The following XAGE1B variants were observed in gnomAD, a reference collection of about 807,000 sequenced individuals.
XAGE1B encodes the protein X antigen family member 1B.
At position 52,512,130 on chromosome X, in the gene XAGE1B, TA is replaced by T; in HGVS notation, c.*34del. The T allele has an allele frequency of 1.2e-6, 1 of 850,827 alleles. No individual in the cohort carries two copies. Among genetic ancestry groups the T allele is most frequent in the Non-Finnish European group, 1.7e-6 (1 of 573,805 alleles). 70.1% of individuals were successfully genotyped at this position (850,827 alleles called of 1,213,427 possible). ...GATAGTTTAAGTCAAATATCTAATA[TA>T]AAACCAGCTTGCGTTGTTTCAGCTT... On this transcript the variant is annotated 3_prime_UTR_variant, in exon 4 of 4. Coordinates refer to ENST00000375616, the MANE Select transcript of XAGE1B (RefSeq NM_001097604.3).
chrX:52,512,192 A>G lies in XAGE1B; in HGVS notation c.224-5T>C. On this transcript the variant is annotated splice_region_variant and splice_polypyrimidine_tract_variant and intron_variant, in intron 3 of 3. Transcript: ENST00000375616. Reference sequence around the variant, plus strand: ...AAACTTGTGGTTGCTCTTCACCTATAACAGAAGCATAACAGGTGGGAACAT... The same window carrying G: ...AAACTTGTGGTTGCTCTTCACCTATGACAGAAGCATAACAGGTGGGAACAT... The G allele has an allele frequency of 1.1e-6, 1 of 899,429 alleles. No homozygotes were observed. The highest frequency in any genetic ancestry group is 3.1e-5 in the East Asian group (1 of 31,773). 74.1% of individuals were successfully genotyped at this position (899,429 alleles called of 1,213,427 possible).
At chrX:52,512,362 T>A (rs1923036689) in intron 3 of XAGE1B, among the ~76,000 whole-genome samples, 175 bp from the exon 4 acceptor site, 1 of 115,050 alleles carries the variant, frequency 8.7e-6, no homozygotes, top group African/African-American at 3.1e-5. Flanking sequence ...TTGACAACAG[T>A]CGTCCAAGTG....
At chrX:52,512,597 CTT>C (rs1478728703) in intron 3 of XAGE1B, among the ~76,000 whole-genome samples, 1 of 96,024 alleles carries the variant, frequency 1.0e-5, no homozygotes, top group African/African-American at 3.9e-5. Context: ...GGCAAACACT[CTT>C]TTAATATTCT....
Position 52,512,108 on chromosome X carries a change from AGTTT to A in XAGE1B, c.*53_*56del. The A allele has an allele frequency of 1.4e-6, 1 of 699,960 alleles. No individual in the cohort carries two copies. 57.7% of individuals were successfully genotyped at this position (699,960 alleles called of 1,213,427 possible). ...GAAAGCTGCAAAACTTTATTGAGAT[AGTTT>A]AAGTCAAATATCTAATATAAAACCA... On this transcript the variant is annotated 3_prime_UTR_variant, in exon 4 of 4. Coordinates refer to ENST00000375616, the MANE Select transcript of XAGE1B (RefSeq NM_001097604.3).
At chrX:52,512,305 TAA>T in intron 3 of XAGE1B, 118 bp from the exon 4 acceptor site, 1 of 1,164,991 alleles carries the variant, frequency 8.6e-7, no homozygotes, top group Non-Finnish European at 1.2e-6. Flanking sequence ...ACCAGAAGCC[TAA>T]GAGTCACCCT....
At chrX:52,512,626 CTG>C (rs1923051730) in intron 3 of XAGE1B, among the ~76,000 whole-genome samples, 1 of 86,616 alleles carries the variant, frequency 1.2e-5, no homozygotes, top group Non-Finnish European at 2.3e-5. Flanking sequence ...AATCTGTGGT[CTG>C]CATGCCAAAC....
chrX:52,512,299 G>A (rs1923033685), intron 3 of XAGE1B, 112 bp from the exon 4 acceptor site: 1 of 1,143,381 alleles, frequency 8.7e-7, no homozygotes, highest in African/African-American at 1.8e-5. Flanking sequence ...GACAAAACCA[G>A]AAGCCTAAGA....
Sources: gnomAD v4.1 joint callset for allele counts (sites outside exome capture counted in the v4.1 genomes callset) on GRCh38, gnomAD v4.1.1 for gene constraint, MANE v1.5 for transcripts, NCBI Gene and HGNC (gene_info 2026-07-23, HGNC 2026-07-21) for gene names.